SEMA3D: variants seen among roughly 807,000 people sequenced by gnomAD.
The protein encoded by SEMA3D is semaphorin-3D.
Under a neutral mutation model 100.1 loss-of-function variants are expected in SEMA3D, and 84 were observed. The observed-to-expected ratio is 0.84, with a 90% confidence interval of 0.70 to 1.01. The LOEUF (loss-of-function observed/expected upper bound fraction) is 1.01, where lower values mean the gene tolerates loss of function less well. Ranked by LOEUF, SEMA3D falls within the 50% of genes least tolerant of loss-of-function variation. The pLI, the probability that SEMA3D is intolerant of heterozygous loss-of-function variation, is 0.00. For synonymous variants in SEMA3D, 312 were observed against 320.7 expected, an observed-to-expected ratio of 0.97 and a Z score of 0.29; for missense variants, 875 against 934.1, an observed-to-expected ratio of 0.94 and a Z score of 0.82.
At chr7:85,128,317 G>A (rs1163705537) in intron 2 of SEMA3D, among the ~76,000 whole-genome samples, 11 of 151,852 alleles carry the variant, frequency 7.2e-5, no homozygotes, top group Admixed American at 3.9e-4. Context: ...ACAGGCGCAC[G>A]CCACCATGCC....
chr7:85,151,050 A>C (rs1161792287), intron 2 of SEMA3D, among the ~76,000 whole-genome samples: 1 of 151,784 alleles, frequency 6.6e-6, no homozygotes, highest in Non-Finnish European at 1.5e-5. Flanking sequence ...ATACTAAGCA[A>C]TATAAATTTT....
chr7:85,180,019 A>G (rs1380149339), intron 1 of SEMA3D, among the ~76,000 whole-genome samples: 2 of 152,192 alleles, frequency 1.3e-5, no homozygotes, highest in East Asian at 3.9e-4. Context: ...ACTGTTGGAA[A>G]AGCATAATTG....
In SEMA3D at chr7:85,003,525, C is replaced by G. The variant is rs529433397; in HGVS notation, c.1908+3277G>C. ...GGTGAGATATCACAGAGCCATAAAT[C>G]AACAGATTTGCCTATATAAAACATA... On this transcript the variant is annotated intron_variant, in intron 18 of 18. Transcript: ENST00000284136. Among the ~76,000 whole-genome samples, 295 of 151,898 alleles carry G rather than the reference C, an allele frequency of 1.9e-3. 3 individuals carry two copies. The highest frequency in any genetic ancestry group is 6.8e-3 in the African/African-American group (281 of 41,506).
In SEMA3D at chr7:85,065,343, T is replaced by G. The variant is rs555094543; in HGVS notation, c.718+81A>C. 5 of 1,269,100 alleles carry G rather than the reference T, an allele frequency of 3.9e-6. No individual in the cohort carries two copies. The Admixed American group carries it at 8.4e-5, about 21-fold the overall frequency. The allele number at this position is 1,269,100 out of a possible 1,614,324, so 78.6% of individuals were successfully genotyped here. A position where few individuals can be genotyped will look rare whatever the true frequency, so the allele number is the denominator to read the frequency against. On this transcript the variant is annotated intron_variant, in intron 8 of 18. Transcript: ENST00000284136. The stretch of plus-strand genomic sequence containing the variant: ...GCTAAATTAATTATTCCAAAACACA[T>G]TTGAATGAATAATAATACACTTCTT...
intron 13 of SEMA3D, among the ~76,000 whole-genome samples, chr7:85,022,106 C>T (rs17159553): frequency 0.025 from 3,848 of 151,804 alleles, 161 homozygotes; most frequent in African/African-American, 0.088. Context: ...TTACTTTGCC[C>T]TACTTGTTTA....
intron 1 of SEMA3D, among the ~76,000 whole-genome samples, chr7:85,168,617 A>ATT (rs3076565): frequency 0.021 from 2,786 of 135,288 alleles, 27 homozygotes; most frequent in South Asian, 0.041. Context: ...GGTTTCTGCA[A>ATT]TTTTTTTTTT....
At chr7:85,101,446 AG>A (rs1788741037) in intron 3 of SEMA3D, among the ~76,000 whole-genome samples, 1 of 152,020 alleles carries the variant, frequency 6.6e-6, no homozygotes, top group Non-Finnish European at 1.5e-5. Context: ...TCAGGCCACC[AG>A]GGCATTATCC....
intron 9 of SEMA3D, chr7:85,050,658 G>A: frequency 2.3e-6 from 1 of 443,630 alleles, no homozygotes; most frequent in Non-Finnish European, 4.0e-6. Flanking sequence ...AATTTGCATT[G>A]TTCAAATCAT....
intron 3 of SEMA3D, among the ~76,000 whole-genome samples, chr7:85,115,508 T>A (rs1243550001): frequency 2.0e-5 from 3 of 152,222 alleles, no homozygotes; most frequent in African/African-American, 7.2e-5. Context: ...TTCACTGTAT[T>A]AAAGAAACCG....
chr7:85,015,663 C>A (rs1584525334), intron 15 of SEMA3D, among the ~76,000 whole-genome samples: 1 of 151,842 alleles, frequency 6.6e-6, no homozygotes, highest in East Asian at 2.0e-4. Flanking sequence ...TTAACCATTT[C>A]ATTTGTTATT....
At chr7:85,056,283 T>C (rs1791316415) in intron 8 of SEMA3D, among the ~76,000 whole-genome samples, 1 of 152,028 alleles carries the variant, frequency 6.6e-6, no homozygotes, top group Non-Finnish European at 1.5e-5. Flanking sequence ...GTAATTGCCC[T>C]AGGGGTATAA....
chr7:85,214,490 TTTAA>T, the SEMA3D span, among the ~76,000 whole-genome samples: 2 of 152,060 alleles, frequency 1.3e-5, no homozygotes, highest in African/African-American at 2.4e-5. Context: ...ATTAAATTAT[TTTAA>T]TTAATTAATT....
intron 1 of SEMA3D, among the ~76,000 whole-genome samples, chr7:85,175,457 T>G (rs1029941098): frequency 9.9e-5 from 15 of 152,122 alleles, no homozygotes; most frequent in Non-Finnish European, 2.1e-4. Flanking sequence ...ACCCGAACAA[T>G]GAATGCTCTC....
intron 3 of SEMA3D, among the ~76,000 whole-genome samples, chr7:85,104,141 G>T (rs1788832550): frequency 6.6e-6 from 1 of 151,970 alleles, no homozygotes. Context: ...CCCAAAATGT[G>T]ACTTTTGCAG....
intron 4 of SEMA3D, among the ~76,000 whole-genome samples, chr7:85,083,763 C>T (rs1294596704): frequency 2.7e-5 from 4 of 150,080 alleles, no homozygotes; most frequent in African/African-American, 9.9e-5. Flanking sequence ...AGGAGAATGG[C>T]GTGAACCCGG....
chr7:85,176,537 T>A (rs1791231062), intron 1 of SEMA3D, among the ~76,000 whole-genome samples: 1 of 152,094 alleles, frequency 6.6e-6, no homozygotes, highest in African/African-American at 2.4e-5. Flanking sequence ...AAACTCCAGT[T>A]AACTGTGAAG....
chr7:85,135,303 A>G (rs902669171), intron 2 of SEMA3D, among the ~76,000 whole-genome samples: 1 of 152,110 alleles, frequency 6.6e-6, no homozygotes, highest in Non-Finnish European at 1.5e-5. Flanking sequence ...CTTATTATAG[A>G]CTAGGAGAGT....
At chr7:85,090,761 G>A (rs999132148) in intron 4 of SEMA3D, among the ~76,000 whole-genome samples, 1 of 152,066 alleles carries the variant, frequency 6.6e-6, no homozygotes, top group Admixed American at 6.6e-5. Flanking sequence ...AAACAAGCAA[G>A]TGTAGAGTCC....
At chr7:85,193,580 A>C in the SEMA3D span, among the ~76,000 whole-genome samples, 1 of 152,272 alleles carries the variant, frequency 6.6e-6, no homozygotes, top group Non-Finnish European at 1.5e-5. Flanking sequence ...AGCCTGCTTT[A>C]GCCTACCACT....
Sources: allele counts gnomAD v4.1 joint callset (sites outside exome capture counted in the v4.1 genomes callset), GRCh38; gene constraint gnomAD v4.1.1; transcripts MANE v1.5; gene names NCBI Gene and HGNC (gene_info 2026-07-23, HGNC 2026-07-21).